The following ZNF566 variants were observed in gnomAD, a reference collection of about 807,000 sequenced individuals.
ZNF566 encodes the protein zinc finger protein 566.
A neutral mutation model predicts 32.8 loss-of-function variants in ZNF566; 27 were observed. That is an observed-to-expected ratio of 0.82 (90% CI 0.61 to 1.14). The LOEUF (loss-of-function observed/expected upper bound fraction) is 1.14. ZNF566 is among the 50% of genes most tolerant of loss of function. ZNF566 has a pLI of 0.00. For synonymous variants in ZNF566, 154 were observed against 159.5 expected (o/e 0.97, Z 0.26); for missense variants, 402 against 490.4 (o/e 0.82, Z 1.70).
At chr19:36,458,648 G>A (rs530457772) in intron 4 of ZNF566, among the ~76,000 whole-genome samples, 2 of 152,108 alleles carry the variant, frequency 1.3e-5, no homozygotes, top group South Asian at 2.1e-4. Context: ...AGTACAGAAC[G>A]TATACCATAG....
At chr19:36,464,675 G>T (rs187580768) in intron 4 of ZNF566, among the ~76,000 whole-genome samples, 38 of 152,236 alleles carry the variant, frequency 2.5e-4, no homozygotes, top group African/African-American at 9.1e-4. Flanking sequence ...CTGGGAGGCT[G>T]AGGTGGGAGG....
intron 4 of ZNF566, among the ~76,000 whole-genome samples, chr19:36,465,473 T>C (rs1284629014): frequency 7.4e-6 from 1 of 134,340 alleles, no homozygotes; most frequent in Non-Finnish European, 1.6e-5. Flanking sequence ...TTCTACTATG[T>C]TTATAAATAC....
intron 4 of ZNF566, 75 bp downstream of exon 4, chr19:36,472,836 G>C (rs1600165963): frequency 2.4e-6 from 3 of 1,236,852 alleles, no homozygotes; most frequent in Non-Finnish European, 3.4e-6. Context: ...TGTGAGGAGA[G>C]TTTCCCAGAT....
intron 1 of ZNF566, among the ~76,000 whole-genome samples, chr19:36,479,307 T>C (rs2033969690): frequency 6.6e-6 from 1 of 152,180 alleles, no homozygotes; most frequent in Non-Finnish European, 1.5e-5. Flanking sequence ...AAAACTATCA[T>C]TATTCACAGA....
intron 1 of ZNF566, among the ~76,000 whole-genome samples, chr19:36,487,001 A>T (rs1440193638): frequency 6.8e-6 from 1 of 148,140 alleles, no homozygotes; most frequent in African/African-American, 2.5e-5. Context: ...GAGGCAGGAG[A>T]ATGGCGTGAA....
At chr19:36,476,445 G>T in intron 2 of ZNF566, 104 bp downstream of exon 2, 1 of 871,006 alleles carries the variant, frequency 1.1e-6, no homozygotes, top group Non-Finnish European at 1.7e-6. Context: ...TTTGAAAGGT[G>T]TTGTTTTTCT....
chr19:36,466,263 A>G (rs2033610115), intron 4 of ZNF566, among the ~76,000 whole-genome samples: 1 of 152,238 alleles, frequency 6.6e-6, no homozygotes, highest in African/African-American at 2.4e-5. Context: ...GCAAAGATAT[A>G]TTAAAAAAGA....
intron 1 of ZNF566, among the ~76,000 whole-genome samples, chr19:36,485,391 T>G (rs531848077): frequency 8.3e-5 from 12 of 144,816 alleles, no homozygotes; most frequent in African/African-American, 3.1e-4. Flanking sequence ...CAATGAGCCA[T>G]GGTCATGCCA....
Position 36,449,887 on chromosome 19 carries a change from G to C in ZNF566, c.347C>G (p.Ser116Cys). 2 of 1,614,066 alleles carry C rather than the reference G, an allele frequency of 1.2e-6. No homozygotes were observed. The highest frequency in any genetic ancestry group is 1.7e-6 in the Non-Finnish European group (2 of 1,180,000). ...EKLTRRDFQC[S>C]SFRDDWECNR... The stretch of plus-strand genomic sequence containing the variant: ...ACATTCCCAATCATCTCTGAAACTG[G>C]AGCACTGAAAATCACGTCTTGTGAG... The change falls in exon 5 of 5, where the codon TCC (serine) becomes TGC (cysteine). Residue 116 changes from serine to cysteine, a missense_variant. Physicochemically the swap from Ser to Cys is moderately radical, Grantham distance 112. Coordinates refer to ENST00000452939, the MANE Select transcript of ZNF566 (RefSeq NM_001145344.1).
intron 4 of ZNF566, among the ~76,000 whole-genome samples, chr19:36,472,250 C>T (rs1303073963): frequency 6.6e-6 from 1 of 152,142 alleles, no homozygotes; most frequent in Non-Finnish European, 1.5e-5. Flanking sequence ...ATGATGCTTA[C>T]ACCAAAAATC....
At chr19:36,450,541 G>A (rs1205734027) in intron 4 of ZNF566, among the ~76,000 whole-genome samples, 1 of 152,192 alleles carries the variant, frequency 6.6e-6, no homozygotes, top group South Asian at 2.1e-4. Context: ...CTACTGGGGA[G>A]GCCGAGGCAC....
intron 1 of ZNF566, among the ~76,000 whole-genome samples, chr19:36,483,894 C>T (rs764980408): frequency 1.8e-4 from 28 of 151,920 alleles, no homozygotes; most frequent in Non-Finnish European, 3.7e-4. Context: ...GTTACAAGTT[C>T]TTGTTTGCCT....
intron 1 of ZNF566, among the ~76,000 whole-genome samples, chr19:36,487,667 G>A (rs1465400248): frequency 1.3e-5 from 2 of 152,232 alleles, no homozygotes; most frequent in Non-Finnish European, 2.9e-5. Flanking sequence ...CAGCACTTTG[G>A]GAGGCCAAGG....
intron 4 of ZNF566, among the ~76,000 whole-genome samples, chr19:36,472,209 C>G (rs1277314392): frequency 6.6e-6 from 1 of 152,128 alleles, no homozygotes; most frequent in Non-Finnish European, 1.5e-5. Flanking sequence ...GAGACACAGG[C>G]CCTTTATTTC....
intron 1 of ZNF566, among the ~76,000 whole-genome samples, chr19:36,488,016 TG>T (rs2034214027): frequency 6.6e-6 from 1 of 151,926 alleles, no homozygotes. Flanking sequence ...TCTCAGGTCC[TG>T]GCAAAGTTCT....
intron 4 of ZNF566, among the ~76,000 whole-genome samples, chr19:36,462,072 T>C (rs536890651): frequency 2.7e-5 from 4 of 149,690 alleles, no homozygotes; most frequent in Non-Finnish European, 4.4e-5. Context: ...CACCCCAACC[T>C]CTGCCTCCCG....
Position 36,473,374 on chromosome 19 carries a change from T to C in ZNF566, c.94A>G (p.Arg32Gly), listed in dbSNP as rs1383143857. ...CLNDDQRDLY[R>G]DVMLENYSNL... is the part of the protein sequence containing the mutation. Reference sequence around the variant, plus strand: ...CTGTAATTCTCCAACATCACATCTCTGTATAAATCTCTCTGATCATCATTC... The same window carrying C: ...CTGTAATTCTCCAACATCACATCTCCGTATAAATCTCTCTGATCATCATTC... The change falls in exon 3 of 5, where the codon AGA (arginine) becomes GGA (glycine). Residue 32 changes from arginine to glycine, a missense_variant. By Grantham distance (125) the Arg-to-Gly change is moderately radical (BLOSUM62 -2). Transcript: ENST00000452939. The C allele has an allele frequency of 1.2e-6, 2 of 1,613,794 alleles. No homozygotes were observed. Among genetic ancestry groups the C allele is most frequent in the Admixed American group, 1.7e-5 (1 of 59,970 alleles).
intron 4 of ZNF566, among the ~76,000 whole-genome samples, chr19:36,466,595 G>A (rs2033619192): frequency 6.6e-6 from 1 of 152,160 alleles, no homozygotes; most frequent in Non-Finnish European, 1.5e-5. Context: ...CCCTACGAGT[G>A]TGAAGCATAA....
chr19:36,463,618 CT>C (rs1450549665), intron 4 of ZNF566, among the ~76,000 whole-genome samples: 1 of 147,424 alleles, frequency 6.8e-6, no homozygotes, highest in Admixed American at 6.8e-5. Flanking sequence ...TCTTGGCTCA[CT>C]GCAACCTCTG....
Sources: allele counts gnomAD v4.1 joint callset (sites outside exome capture counted in the v4.1 genomes callset), GRCh38; gene constraint gnomAD v4.1.1; transcripts MANE v1.5; gene names NCBI Gene and HGNC (gene_info 2026-07-23, HGNC 2026-07-21).